KCNH7: variants seen among roughly 807,000 people sequenced by gnomAD.
The protein encoded by KCNH7 is voltage-gated inwardly rectifying potassium channel KCNH7.
KCNH7 carries 49 observed loss-of-function variants against 120.8 expected under a neutral mutation model. The ratio of observed to expected loss-of-function variants is 0.41; its 90% CI spans 0.32 to 0.51. The LOEUF is 0.51. KCNH7 is among the 20% of genes least tolerant of loss of function. The pLI, the probability that KCNH7 is intolerant of heterozygous loss-of-function variation, is 0.38. For synonymous variants in KCNH7, 547 were observed against 516.1 expected, an observed-to-expected ratio of 1.06 and a Z score of -0.81; for missense variants, 1,097 against 1,446.6, an observed-to-expected ratio of 0.76 and a Z score of 3.92.
chr2:162,752,886 G>A (rs1688607876), intron 2 of KCNH7, among the ~76,000 whole-genome samples: 1 of 40,798 alleles, frequency 2.5e-5, no homozygotes. Flanking sequence ...GGGCAAAAGA[G>A]CAAGACTACA....
chr2:162,835,910 C>T (rs1382947675), intron 2 of KCNH7, among the ~76,000 whole-genome samples: 1 of 151,514 alleles, frequency 6.6e-6, no homozygotes, highest in African/African-American at 2.4e-5. Flanking sequence ...AATAACTCCA[C>T]AGTATCATAA....
intron 2 of KCNH7, among the ~76,000 whole-genome samples, chr2:162,782,334 G>A (rs1214336012): frequency 2.0e-5 from 3 of 152,192 alleles, no homozygotes; most frequent in Non-Finnish European, 4.4e-5. Flanking sequence ...AAGGGGCACA[G>A]TTTTAAATAA....
In KCNH7 at chr2:162,804,783, CA is replaced by C. The variant is rs1327706703; in HGVS notation, c.307+31753del. 4.2e-5 allele frequency among the ~76,000 whole-genome samples: 6 copies of C among 143,874 alleles called. No individual in the cohort carries two copies. In the East Asian group the frequency reaches 1.2e-3, roughly 29 times the overall value. 94.4% of individuals were successfully genotyped at this position (143,874 alleles called of 152,430 possible). On this transcript the variant is annotated intron_variant, in intron 2 of 15. Coordinates refer to ENST00000332142, the MANE Select transcript of KCNH7 (RefSeq NM_033272.4). ...TATGGAACCAAAAAAAAAAAAGAGACAAATAGCCAAAATAATCCTAAGCAAA... is the reference window on the plus strand; with the variant it reads ...TATGGAACCAAAAAAAAAAAAGAGACAATAGCCAAAATAATCCTAAGCAAA...
At chr2:162,538,624 C>T (rs148598243) in intron 2 of KCNH7, among the ~76,000 whole-genome samples, 1 of 152,170 alleles carries the variant, frequency 6.6e-6, no homozygotes, top group East Asian at 1.9e-4. Flanking sequence ...CTAATAAAGT[C>T]AGCATAAGAA....
chr2:162,550,237 G>T (rs1692623107), intron 2 of KCNH7, among the ~76,000 whole-genome samples: 2 of 152,174 alleles, frequency 1.3e-5, no homozygotes, highest in South Asian at 2.1e-4. Flanking sequence ...CTCTAGGAAA[G>T]AATTGAAATG....
intron 2 of KCNH7, among the ~76,000 whole-genome samples, chr2:162,652,363 G>A (rs541583751): frequency 4.0e-4 from 61 of 152,166 alleles, no homozygotes; most frequent in African/African-American, 1.3e-3. Flanking sequence ...GTATACAGAA[G>A]CAGCCCTCAA....
chr2:162,797,467 T>C (rs981925730), intron 2 of KCNH7: 18 of 152,090 alleles, frequency 1.2e-4, no homozygotes, highest in African/African-American at 3.9e-4. Context: ...TTATTATCAA[T>C]GAGTGTCATG....
intron 2 of KCNH7, among the ~76,000 whole-genome samples, chr2:162,570,061 C>A: frequency 7.1e-6 from 1 of 141,696 alleles, no homozygotes; most frequent in Non-Finnish European, 1.5e-5. Context: ...TGGTGCAGAG[C>A]TGAGTTCAAT....
chr2:162,487,002 AGTTTAGAGGACT>A (rs1434011117), intron 6 of KCNH7, among the ~76,000 whole-genome samples: 58 of 152,314 alleles, frequency 3.8e-4, no homozygotes, highest in Middle Eastern at 3.4e-3. Context: ...CAAGGAAGAT[AGTTTAGAGGACT>A]CTGGCCTAGG....
chr2:162,588,891 A>G (rs1247942105), intron 2 of KCNH7, among the ~76,000 whole-genome samples: 4 of 152,004 alleles, frequency 2.6e-5, no homozygotes, highest in Non-Finnish European at 5.9e-5. Context: ...TCATTAACCC[A>G]CCTACCCTCT....
chr2:162,589,637 G>A (rs1351932870), intron 2 of KCNH7, among the ~76,000 whole-genome samples: 1 of 152,056 alleles, frequency 6.6e-6, no homozygotes, highest in Non-Finnish European at 1.5e-5. Context: ...CACTCCCCCA[G>A]CAGAGCAGCT....
At chr2:162,514,006 T>G (rs561064490) in intron 4 of KCNH7, among the ~76,000 whole-genome samples, 12 of 151,896 alleles carry the variant, frequency 7.9e-5, no homozygotes, top group African/African-American at 2.9e-4. Flanking sequence ...TGAAACACAC[T>G]TGCTTAAAAT....
intron 9 of KCNH7, among the ~76,000 whole-genome samples, chr2:162,417,044 C>A (rs886260067): frequency 6.6e-6 from 1 of 152,128 alleles, no homozygotes; most frequent in South Asian, 2.1e-4. Flanking sequence ...AGATGAACTA[C>A]ATCTGAATGT....
intron 6 of KCNH7, among the ~76,000 whole-genome samples, chr2:162,479,673 ATGTGTGTGTGTGTGTG>A (rs71009359): frequency 1.4e-5 from 2 of 145,184 alleles, no homozygotes; most frequent in African/African-American, 5.1e-5. Flanking sequence ...GTGTGTGTGC[ATGTGTGTGTGTGTGTG>A]TGTGTGTGTG....
chr2:162,411,148 C>A (rs916742180), intron 9 of KCNH7, among the ~76,000 whole-genome samples: 5 of 152,068 alleles, frequency 3.3e-5, no homozygotes, highest in Admixed American at 6.6e-5. Context: ...AGGACACATG[C>A]ACTTGTATGT....
At chr2:162,385,275 A>T (rs954676545) in intron 12 of KCNH7, among the ~76,000 whole-genome samples, 5 of 151,954 alleles carry the variant, frequency 3.3e-5, no homozygotes, top group African/African-American at 1.2e-4. Context: ...AAGACAAGGG[A>T]AAATGTGTCC....
At chr2:162,594,288 C>T (rs1018611558) in intron 2 of KCNH7, among the ~76,000 whole-genome samples, 8 of 151,966 alleles carry the variant, frequency 5.3e-5, no homozygotes, top group African/African-American at 1.9e-4. Flanking sequence ...TACTTTTAGT[C>T]TTTGTCAGTC....
At chr2:162,526,164 A>T (rs1976105) in intron 3 of KCNH7, among the ~76,000 whole-genome samples, 5,297 of 151,890 alleles carry the variant, frequency 0.035, 401 homozygotes, top group Admixed American at 0.18. Context: ...TTTATTAGTG[A>T]TTTTCAGAAG....
At chr2:162,441,010 G>A (rs937141010) in intron 7 of KCNH7, among the ~76,000 whole-genome samples, 2 of 151,948 alleles carry the variant, frequency 1.3e-5, no homozygotes, top group South Asian at 2.1e-4. Flanking sequence ...ACATACAAAC[G>A]AACAAATGAT....
Sources: gnomAD v4.1 joint callset for allele counts (sites outside exome capture counted in the v4.1 genomes callset) on GRCh38, gnomAD v4.1.1 for gene constraint, MANE v1.5 for transcripts, NCBI Gene and HGNC (gene_info 2026-07-23, HGNC 2026-07-21) for gene names.